Variants in CD74 observed in about 807,000 individuals in gnomAD.
CD74 encodes HLA class II histocompatibility antigen gamma chain.
In CD74, 20 loss-of-function variants were observed where a neutral mutation model predicts 37.1. That is an observed-to-expected ratio of 0.54 (90% CI 0.38 to 0.78). CD74 has a LOEUF of 0.78. CD74 is among the 30% of genes least tolerant of loss of function. The pLI is 0.00. For synonymous variants in CD74, 150 were observed against 152.0 expected (o/e 0.99, Z 0.10); for missense variants, 338 against 389.5 (o/e 0.87, Z 1.11).
chr5:150,402,477 TC>T lies in CD74; in HGVS notation c.880+85del. 1 of 1,170,382 alleles carries T rather than the reference TC, an allele frequency of 8.5e-7. No homozygotes were observed. Among genetic ancestry groups the T allele is most frequent in the South Asian group, 1.2e-5 (1 of 82,094 alleles). 72.5% of individuals were successfully genotyped at this position (1,170,382 alleles called of 1,614,324 possible). A position where few individuals can be genotyped will look rare whatever the true frequency, so the allele number is the denominator to read the frequency against. Reference sequence around the variant, plus strand: ...AGGAATGTTGGAGAGTGGCCCAGCGTCACACTCCTTCACCTGCCCACAAAGG... The same window carrying T: ...AGGAATGTTGGAGAGTGGCCCAGCGTACACTCCTTCACCTGCCCACAAAGG... On this transcript the variant is annotated intron_variant, in intron 8 of 8. Transcript: ENST00000009530. The surrounding 1 kb of genome is among the most constrained non-coding windows in gnomAD (Gnocchi z 4.2).
Position 150,402,565 on chromosome 5 carries a change from G to T in CD74, c.878C>A (p.Pro293Gln), listed in dbSNP as rs772770989. The T allele has an allele frequency of 6.2e-7, 1 of 1,613,768 alleles. No individual in the cohort carries two copies. Among genetic ancestry groups the T allele is most frequent in the Non-Finnish European group, 8.5e-7 (1 of 1,179,674 alleles). The change falls in exon 8 of 9, where the codon CCA becomes CAA. Residue 293 changes from proline to glutamine, a missense_variant and splice_region_variant. Transcript: ENST00000009530. This position sits in a 1 kb window ranked among gnomAD's most constrained non-coding sequence, Gnocchi z 4.2. ...ATGCCCCTCTGCAAGGCCCTTACCT[G>T]GGCCCAGATCCTGCTTGGTCACACC... ...GLGVTKQDLGPVPM is the reference protein window; with the variant it reads ...GLGVTKQDLGQVPM
rs1272711636 is a variant in CD74 at position 150,402,500 on chromosome 5, A to G, written c.880+63T>C. ...CGTCACACTCCTTCACCTGCCCACAAAGGAGCTGGCCCTGCTGGGGATGAG... is the reference window on the plus strand; with the variant it reads ...CGTCACACTCCTTCACCTGCCCACAGAGGAGCTGGCCCTGCTGGGGATGAG... On this transcript the variant is annotated intron_variant, in intron 8 of 8. Transcript: ENST00000009530. The surrounding 1 kb of genome is among the most constrained non-coding windows in gnomAD (Gnocchi z 4.2). The G allele has an allele frequency of 7.2e-7, 1 of 1,396,722 alleles. No homozygotes were observed. Among genetic ancestry groups the G allele is most frequent in the Non-Finnish European group, 1.0e-6 (1 of 981,330 alleles). 86.5% of individuals were successfully genotyped at this position (1,396,722 alleles called of 1,614,324 possible). A position where few individuals can be genotyped will look rare whatever the true frequency, so the allele number is the denominator to read the frequency against.
chr5:150,406,021 T>A (rs941711408), intron 4 of CD74: 7 of 409,252 alleles, frequency 1.7e-5, no homozygotes, highest in South Asian at 1.4e-4. Context: ...TCTGCCTGCC[T>A]AGGCCTCCCA....
intron 4 of CD74, 131 bp from the exon 5 acceptor site, chr5:150,405,311 G>C (rs1248485574): frequency 7.2e-7 from 1 of 1,393,840 alleles, no homozygotes; most frequent in African/African-American, 1.5e-5. Flanking sequence ...CCTAAACCCT[G>C]GACTTCAGCC....
At chr5:150,411,997 C>T (rs1770368385) in intron 1 of CD74, among the ~76,000 whole-genome samples, 1 of 152,228 alleles carries the variant, frequency 6.6e-6, no homozygotes, top group Non-Finnish European at 1.5e-5. Flanking sequence ...CAGAGTGTCA[C>T]TGTGTCACCC....
Position 150,403,600 on chromosome 5 carries a change from T to G in CD74, c.626-288A>C, listed in dbSNP as rs1224057621. Among the ~76,000 whole-genome samples the G allele has an allele frequency of 6.6e-6, 1 of 152,244 alleles. No homozygotes were observed. Among genetic ancestry groups the G allele is most frequent in the Non-Finnish European group, 1.5e-5 (1 of 68,042 alleles). ...TGGGCCAGGCACAGTGGCTCATGCC[T>G]GTAATCTTAGCACTTTGGGAGGCCG... On this transcript the variant is annotated intron_variant, in intron 6 of 8. Transcript: ENST00000009530. This position sits in a 1 kb window ranked among gnomAD's most constrained non-coding sequence, Gnocchi z 4.5.
In CD74 at chr5:150,406,951, G is replaced by A; in HGVS notation, c.308C>T (p.Pro103Leu). ...GGTGGCCATGCGCATCTTGCTCACA[G>A]GCTTGGGAGCTGTGGGGACAGGAAC... ...LRMKLPKPPK[P>L]VSKMRMATPL... Residue 103 changes from proline to leucine, a missense_variant, in exon 3 of 9, where the codon CCT (proline) becomes CTT (leucine). Transcript: ENST00000009530. The A allele has an allele frequency of 3.2e-6, 5 of 1,568,736 alleles. No individual in the cohort carries two copies. The highest frequency in any genetic ancestry group is 1.7e-4 in the Middle Eastern group (1 of 5,874).
In CD74 at chr5:150,407,306, G is replaced by A. The variant is rs1214881870; in HGVS notation, c.144C>T (p.Ala48=). 6.2e-7 allele frequency: 1 copy of A among 1,609,470 alleles called. No homozygotes were observed. Among genetic ancestry groups the A allele is most frequent in the Admixed American group, 1.7e-5 (1 of 59,154 alleles). The part of the protein sequence containing the change: ...GAPESKCSRG[A]LYTGFSILVT... ...CCAGGATGGAAAAGCCTGTGTACAG[G>A]GCTCCGCGGCTGCACTTGCTGTGGG... Residue 48 remains alanine, a synonymous_variant, in exon 2 of 9, where the codon GCC becomes GCT. Coordinates refer to ENST00000009530, the MANE Select transcript of CD74 (RefSeq NM_001025159.3). The surrounding 1 kb of genome is among the most constrained non-coding windows in gnomAD (Gnocchi z 4.4).
At chr5:150,408,237 A>G (rs1314112557) in intron 1 of CD74, among the ~76,000 whole-genome samples, 2 of 152,212 alleles carry the variant, frequency 1.3e-5, no homozygotes, top group Non-Finnish European at 2.9e-5. Flanking sequence ...GGGACAGCAG[A>G]AAATGTAGCC....
chr5:150,409,935 T>A (rs150945871), intron 1 of CD74, among the ~76,000 whole-genome samples: 173 of 152,122 alleles, frequency 1.1e-3, no homozygotes, highest in African/African-American at 3.4e-3. Context: ...GAGTCCCTTG[T>A]GCCTGGTAAC....
In CD74 at chr5:150,402,382, AC is replaced by A; in HGVS notation, c.881-133del. On this transcript the variant is annotated intron_variant, in intron 8 of 8. Transcript: ENST00000009530. This position sits in a 1 kb window ranked among gnomAD's most constrained non-coding sequence, Gnocchi z 4.2. ...TGCCCCCTGCTCAGGTCCAATAATG[AC>A]CATCATGGATTTGTGTAACTCCCCA... The A allele has an allele frequency of 1.1e-6, 1 of 874,334 alleles. No individual in the cohort carries two copies. Among genetic ancestry groups the A allele is most frequent in the Non-Finnish European group, 1.9e-6 (1 of 522,610 alleles). 54.2% of individuals were successfully genotyped at this position (874,334 alleles called of 1,614,324 possible).
rs1246412220 is a variant in CD74, at chr5:150,403,064, C to T, written c.817+57G>A. 15 of 1,491,300 alleles carry T rather than the reference C, an allele frequency of 1.0e-5. No individual in the cohort carries two copies. The highest frequency in any genetic ancestry group is 4.8e-5 in the East Asian group (2 of 41,348). 92.4% of individuals were successfully genotyped at this position (1,491,300 alleles called of 1,614,324 possible). On this transcript the variant is annotated intron_variant, in intron 7 of 8. Coordinates refer to ENST00000009530, the MANE Select transcript of CD74 (RefSeq NM_001025159.3). The surrounding 1 kb of genome is among the most constrained non-coding windows in gnomAD (Gnocchi z 4.5). ...TGTGCTTCAGAGGGGACCTCTTGCCCCTCAACCTTCCTAGTCCTTCCTGGT... is the reference window on the plus strand; with the variant it reads ...TGTGCTTCAGAGGGGACCTCTTGCCTCTCAACCTTCCTAGTCCTTCCTGGT...
chr5:150,411,048 C>T (rs1341773928), intron 1 of CD74, among the ~76,000 whole-genome samples: 1 of 152,192 alleles, frequency 6.6e-6, no homozygotes, highest in African/African-American at 2.4e-5. Context: ...CCTCCAACCA[C>T]TCACTAGCTA....
At chr5:150,405,550 G>T in intron 4 of CD74, 1 of 413,946 alleles carries the variant, frequency 2.4e-6, no homozygotes, top group Non-Finnish European at 3.4e-6. Context: ...TCTTCACAAA[G>T]CCCCCTGCAC....
At chr5:150,411,468 A>T (rs773914635) in intron 1 of CD74, among the ~76,000 whole-genome samples, 11 of 152,164 alleles carry the variant, frequency 7.2e-5, no homozygotes, top group Non-Finnish European at 1.5e-4. Flanking sequence ...GTTCTCCCAA[A>T]CCCCTTTCTG....
In CD74 at chr5:150,402,738, T is replaced by G. The variant is rs1769711598; in HGVS notation, c.818-113A>C. On this transcript the variant is annotated intron_variant, in intron 7 of 8. Transcript: ENST00000009530. The surrounding 1 kb of genome is among the most constrained non-coding windows in gnomAD (Gnocchi z 4.2). The stretch of plus-strand genomic sequence containing the variant: ...CAGGCTTAGTGCCTGGGAAAGCAGG[T>G]ACCCAGGGAAGGACAGCTGCAAGCA... The G allele has an allele frequency of 2.7e-5, 24 of 890,494 alleles. No individual in the cohort carries two copies. The East Asian group carries it at 5.9e-4, about 22-fold the overall frequency. 55.2% of individuals were successfully genotyped at this position (890,494 alleles called of 1,614,324 possible).
At chr5:150,405,867 C>T (rs755686886) in intron 4 of CD74, 18 of 166,034 alleles carry the variant, frequency 1.1e-4, no homozygotes, top group African/African-American at 3.6e-4. Flanking sequence ...CTCCACTTCC[C>T]GGGTTAAAGC....
rs1381398318 is a variant in CD74 at position 150,407,898 on chromosome 5, G to A, written c.126-574C>T. Among the ~76,000 whole-genome samples, 2 of 152,128 alleles carry A rather than the reference G, an allele frequency of 1.3e-5. No individual in the cohort carries two copies. Among genetic ancestry groups the A allele is most frequent in the Admixed American group, 6.5e-5 (1 of 15,276 alleles). The stretch of plus-strand genomic sequence containing the variant: ...CCTCTCCGAGTAGCTGGGACTACAG[G>A]CACCCGCCACCACGCCTGGCTAATT... On this transcript the variant is annotated intron_variant, in intron 1 of 8. Transcript: ENST00000009530. This position sits in a 1 kb window ranked among gnomAD's most constrained non-coding sequence, Gnocchi z 4.4.
Position 150,403,077 on chromosome 5 carries a change from A to G in CD74, c.817+44T>C. 1.3e-6 allele frequency: 2 copies of G among 1,549,038 alleles called. No individual in the cohort carries two copies. The stretch of plus-strand genomic sequence containing the variant: ...GGACCTCTTGCCCCTCAACCTTCCT[A>G]GTCCTTCCTGGTCCTCTGACACTGG... On this transcript the variant is annotated intron_variant, in intron 7 of 8. Coordinates refer to ENST00000009530, the MANE Select transcript of CD74 (RefSeq NM_001025159.3). The surrounding 1 kb of genome is among the most constrained non-coding windows in gnomAD (Gnocchi z 4.5).
Sources: gnomAD v4.1 joint callset for allele counts (sites outside exome capture counted in the v4.1 genomes callset) on GRCh38, gnomAD v4.1.1 for gene constraint, Gnocchi (gnomAD v3.1) non-coding constraint, MANE v1.5 for transcripts, NCBI Gene and HGNC (gene_info 2026-07-23, HGNC 2026-07-21) for gene names.